The following INVS variants were observed in gnomAD, a reference collection of about 807,000 sequenced individuals.
INVS encodes inversin.
A neutral mutation model predicts 108.8 loss-of-function variants in INVS; 86 were observed. The observed-to-expected ratio is 0.79, with a 90% CI of 0.66 to 0.95. INVS has a LOEUF of 0.95. Ranked by LOEUF, INVS falls within the 40% of genes least tolerant of loss-of-function variation. INVS has a pLI of 0.00. For synonymous variants in INVS, 455 were observed against 473.5 expected, an observed-to-expected ratio of 0.96 and a Z score of 0.51; for missense variants, 1,169 against 1,297.4, an observed-to-expected ratio of 0.90 and a Z score of 1.52.
chr9:100,292,128 C>T (rs949434069), intron 13 of INVS, among the ~76,000 whole-genome samples, 198 bp from the exon 14 acceptor site: 21 of 152,078 alleles, frequency 1.4e-4, no homozygotes, highest in Admixed American at 1.3e-3. Context: ...ACTATATTTT[C>T]GTTAAGGCGA....
intron 2 of INVS, chr9:100,117,352 A>G (rs1827566741): frequency 1.3e-6 from 1 of 745,546 alleles, no homozygotes; most frequent in Admixed American, 1.8e-5. Context: ...GGAAAAAGTC[A>G]ATGATCTCAG....
chr9:100,296,434 T>A (rs907922121), intron 14 of INVS, among the ~76,000 whole-genome samples: 1 of 152,232 alleles, frequency 6.6e-6, no homozygotes, highest in East Asian at 1.9e-4. Context: ...TGCTTCCACA[T>A]TGTGTTACTG....
chr9:100,278,231 CAAAAAAAAA>C (rs750217205), intron 12 of INVS, among the ~76,000 whole-genome samples: 4 of 83,128 alleles, frequency 4.8e-5, no homozygotes, highest in African/African-American at 1.9e-4. Context: ...GACCCTGTCT[CAAAAAAAAA>C]AAAAAAAAAA....
intron 12 of INVS, among the ~76,000 whole-genome samples, chr9:100,283,311 G>T (rs1449544015): frequency 3.9e-5 from 6 of 152,094 alleles, no homozygotes; most frequent in African/African-American, 2.4e-5. Context: ...TCTTTAAAAA[G>T]ATAAATAAAT....
intron 14 of INVS, among the ~76,000 whole-genome samples, chr9:100,293,855 G>A (rs971161436): frequency 1.3e-5 from 2 of 152,172 alleles, no homozygotes; most frequent in Non-Finnish European, 1.5e-5. Context: ...GAGAGAAGCT[G>A]GACCCATCAC....
chr9:100,215,964 G>A (rs748761988), intron 3 of INVS, among the ~76,000 whole-genome samples: 6 of 152,138 alleles, frequency 3.9e-5, no homozygotes, highest in African/African-American at 1.4e-4. Context: ...CTATTGTGGT[G>A]GGTTCATTGC....
At chr9:100,141,251 C>T (rs1046207888) in intron 3 of INVS, among the ~76,000 whole-genome samples, 4 of 152,134 alleles carry the variant, frequency 2.6e-5, no homozygotes, top group Non-Finnish European at 5.9e-5. Flanking sequence ...TGAGCTGTAC[C>T]TTGTAACATT....
At chr9:100,140,417 A>T (rs1036827136) in intron 3 of INVS, among the ~76,000 whole-genome samples, 2 of 152,136 alleles carry the variant, frequency 1.3e-5, no homozygotes, top group African/African-American at 4.8e-5. Context: ...TTGAGCCAGG[A>T]TGAGCCAGGA....
At position 100,104,649 on chromosome 9, in the gene INVS, A is replaced by G. The variant is rs753598779; in HGVS notation, c.106+22A>G. The stretch of plus-strand genomic sequence containing the variant: ...GTAGGTAAGCAGTCCCCTTAAGTAC[A>G]GAAACTTTAAAAGCAACTGTTTGTC... On this transcript the variant is annotated intron_variant, in intron 2 of 16. Coordinates refer to ENST00000262457, the MANE Select transcript of INVS (RefSeq NM_014425.5). The G allele has an allele frequency of 7.9e-6, 12 of 1,523,726 alleles. No homozygotes were observed. In the Admixed American group the frequency reaches 1.3e-4, roughly 17 times the overall value. 94.4% of individuals were successfully genotyped at this position (1,523,726 alleles called of 1,614,324 possible).
At chr9:100,269,403 T>C (rs958145006) in intron 11 of INVS, among the ~76,000 whole-genome samples, 15 of 152,300 alleles carry the variant, frequency 9.8e-5, no homozygotes, top group Non-Finnish European at 1.5e-5. Flanking sequence ...TTAAAAAATG[T>C]TATCCACTTA....
intron 5 of INVS, among the ~76,000 whole-genome samples, chr9:100,237,912 G>A (rs1831741471): frequency 6.6e-6 from 1 of 151,976 alleles, no homozygotes; most frequent in African/African-American, 2.4e-5. Flanking sequence ...AGAGCCTTGG[G>A]CTGTCTCCCA....
At chr9:100,223,975 A>G (rs35970442) in intron 3 of INVS, among the ~76,000 whole-genome samples, 5 of 152,256 alleles carry the variant, frequency 3.3e-5, no homozygotes, top group Admixed American at 1.3e-4. Flanking sequence ...CCTGGGCCAC[A>G]CTGGAAGAAG....
At chr9:100,277,154 C>T (rs1426381418) in intron 12 of INVS, among the ~76,000 whole-genome samples, 2 of 152,232 alleles carry the variant, frequency 1.3e-5, no homozygotes, top group African/African-American at 2.4e-5. Context: ...TAGTGGAGGG[C>T]TCTGTCTAGC....
At chr9:100,179,319 C>A (rs562755137) in intron 3 of INVS, among the ~76,000 whole-genome samples, 5 of 152,100 alleles carry the variant, frequency 3.3e-5, no homozygotes, top group Non-Finnish European at 7.4e-5. Context: ...GGTCTAAATG[C>A]CCCAATTAAA....
At chr9:100,138,086 T>A (rs978802557) in intron 3 of INVS, among the ~76,000 whole-genome samples, 118 of 152,320 alleles carry the variant, frequency 7.7e-4, no homozygotes, top group African/African-American at 2.5e-3. Context: ...AGCCATCTAG[T>A]GACTTTAACT....
At chr9:100,117,406 C>CT (rs986842379) in intron 2 of INVS, 38 of 786,894 alleles carry the variant, frequency 4.8e-5, no homozygotes, top group African/African-American at 2.9e-4. Flanking sequence ...CCTCCAGGGA[C>CT]TTGATCTTCA....
At chr9:100,270,466 C>G (rs140863798) in intron 11 of INVS, among the ~76,000 whole-genome samples, 1 of 151,402 alleles carries the variant, frequency 6.6e-6, no homozygotes, top group Non-Finnish European at 1.5e-5. Context: ...AAAAACTGGC[C>G]GGGTGCAGTG....
intron 3 of INVS, among the ~76,000 whole-genome samples, chr9:100,194,310 T>C (rs1429504279): frequency 6.6e-6 from 1 of 152,212 alleles, no homozygotes; most frequent in Non-Finnish European, 1.5e-5. Flanking sequence ...TGTAGTGGTA[T>C]TAATTTGCAT....
At chr9:100,213,886 A>G (rs57275470) in intron 3 of INVS, among the ~76,000 whole-genome samples, 3,044 of 152,192 alleles carry the variant, frequency 0.02, 88 homozygotes, top group African/African-American at 0.07. Flanking sequence ...AAAATTACCT[A>G]AGTAAAGAGT....
Sources: gnomAD v4.1 joint callset for allele counts (sites outside exome capture counted in the v4.1 genomes callset) on GRCh38, gnomAD v4.1.1 for gene constraint, MANE v1.5 for transcripts, NCBI Gene and HGNC (gene_info 2026-07-23, HGNC 2026-07-21) for gene names.